PLA2G4E: variants seen among roughly 807,000 people sequenced by gnomAD.
The protein encoded by PLA2G4E is phospholipase A2 group IVE.
PLA2G4E carries 84 observed loss-of-function variants against 109.1 expected under a neutral mutation model. The observed-to-expected ratio is 0.77, with a 90% CI of 0.65 to 0.92. The LOEUF is 0.92. Ranked by LOEUF, PLA2G4E falls within the 40% of genes least tolerant of loss-of-function variation. The pLI is 0.00. For synonymous variants in PLA2G4E, 469 were observed against 436.1 expected, an observed-to-expected ratio of 1.08 and a Z score of -0.94; for missense variants, 1,057 against 1,076.6, an observed-to-expected ratio of 0.98 and a Z score of 0.25.
At chr15:42,016,729 C>G (rs1422985872) in intron 1 of PLA2G4E, among the ~76,000 whole-genome samples, 1 of 152,234 alleles carries the variant, frequency 6.6e-6, no homozygotes, top group Non-Finnish European at 1.5e-5. Context: ...CTCTCCTGAA[C>G]AGCTGCCTTA....
intron 1 of PLA2G4E, among the ~76,000 whole-genome samples, chr15:42,038,185 G>A (rs1595578382): frequency 6.6e-6 from 1 of 152,226 alleles, no homozygotes; most frequent in Non-Finnish European, 1.5e-5. Flanking sequence ...ATATTCTGAT[G>A]TGTAATATCT....
intron 1 of PLA2G4E, among the ~76,000 whole-genome samples, chr15:42,030,500 G>C (rs1377016563): frequency 6.6e-6 from 1 of 152,174 alleles, no homozygotes; most frequent in Non-Finnish European, 1.5e-5. Context: ...TATCACTCTG[G>C]GCCCCGAGGG....
At chr15:42,020,236 T>C (rs2068635579) in intron 1 of PLA2G4E, among the ~76,000 whole-genome samples, 1 of 152,084 alleles carries the variant, frequency 6.6e-6, no homozygotes, top group Non-Finnish European at 1.5e-5. Flanking sequence ...GCCGGGGAGG[T>C]GGCCCTGGGA....
At chr15:42,027,431 A>AT (rs566371757) in intron 1 of PLA2G4E, among the ~76,000 whole-genome samples, 1 of 151,870 alleles carries the variant, frequency 6.6e-6, no homozygotes, top group African/African-American at 2.4e-5. Context: ...CAGGTGAGAT[A>AT]TTTTTTTCCC....
intron 11 of PLA2G4E, 93 bp downstream of exon 11, chr15:41,997,031 C>A (rs940850453): frequency 7.1e-7 from 1 of 1,406,316 alleles, no homozygotes; most frequent in Non-Finnish European, 9.4e-7. Context: ...ATGGAGGTGG[C>A]GCCTGGGGTA....
chr15:42,006,189 C>G, intron 3 of PLA2G4E, 68 bp from the exon 4 acceptor site: 1 of 1,588,244 alleles, frequency 6.3e-7, no homozygotes, highest in Non-Finnish European at 8.6e-7. Context: ...GAACAAGGGG[C>G]TTGACCTCTG....
At chr15:41,996,484 C>T (rs900712241) in intron 11 of PLA2G4E, among the ~76,000 whole-genome samples, 7 of 151,932 alleles carry the variant, frequency 4.6e-5, no homozygotes, top group South Asian at 2.1e-4. Flanking sequence ...AAGTCCTCCT[C>T]GGGCACCCGC....
At chr15:42,006,923 T>C (rs1333054892) in intron 3 of PLA2G4E, among the ~76,000 whole-genome samples, 2 of 152,192 alleles carry the variant, frequency 1.3e-5, no homozygotes, top group African/African-American at 4.8e-5. Context: ...GAAGCTCAAA[T>C]TCTGATTTCA....
intron 1 of PLA2G4E, among the ~76,000 whole-genome samples, chr15:42,033,878 T>G (rs993525407): frequency 6.6e-6 from 1 of 152,144 alleles, no homozygotes; most frequent in African/African-American, 2.4e-5. Flanking sequence ...CAGAGACCCC[T>G]TGCCAAGGTG....
At chr15:41,988,250 C>T (rs1382315749) in intron 15 of PLA2G4E, 94 bp from the exon 16 acceptor site, 13 of 889,646 alleles carry the variant, frequency 1.5e-5, no homozygotes, top group African/African-American at 5.1e-5. Flanking sequence ...CCCCACCCCA[C>T]GCAAGCCAGG....
intron 1 of PLA2G4E, among the ~76,000 whole-genome samples, chr15:42,023,037 A>C (rs2068661642): frequency 2.0e-5 from 3 of 152,146 alleles, no homozygotes. Context: ...AGGAAGAAAC[A>C]GCATGAACAC....
intron 1 of PLA2G4E, among the ~76,000 whole-genome samples, chr15:42,029,202 T>G (rs1430085132): frequency 6.6e-6 from 1 of 152,172 alleles, no homozygotes; most frequent in East Asian, 1.9e-4. Flanking sequence ...AGCGTGATTC[T>G]CCCATGTTAG....
exon 17 of PLA2G4E, chr15:41,987,308 G>A: frequency 6.2e-7 from 1 of 1,613,970 alleles, no homozygotes; most frequent in East Asian, 2.2e-5. Flanking sequence ...ATGACCCTGG[G>A]ATCACTACCG....
intron 1 of PLA2G4E, among the ~76,000 whole-genome samples, chr15:42,023,441 G>A (rs577722029): frequency 1.3e-5 from 2 of 152,050 alleles, no homozygotes; most frequent in East Asian, 3.9e-4. Flanking sequence ...TTTTTGAGCA[G>A]GAGAGCTGAA....
intron 15 of PLA2G4E, among the ~76,000 whole-genome samples, chr15:41,988,978 C>T (rs543517030): frequency 6.6e-6 from 1 of 152,282 alleles, no homozygotes; most frequent in South Asian, 2.1e-4. Context: ...GGGAAGAACT[C>T]GAGTGGGTCC....
intron 2 of PLA2G4E, among the ~76,000 whole-genome samples, chr15:42,012,362 C>G (rs1483327710): frequency 6.6e-6 from 1 of 152,186 alleles, no homozygotes; most frequent in Admixed American, 6.5e-5. Context: ...TGGCTTGTCT[C>G]CTCTCTTGCC....
intron 1 of PLA2G4E, among the ~76,000 whole-genome samples, chr15:42,021,904 C>T (rs995171293): frequency 3.3e-5 from 5 of 152,174 alleles, no homozygotes; most frequent in African/African-American, 1.2e-4. Flanking sequence ...ACAGACTGGG[C>T]CTGAATGCAG....
At chr15:41,986,693 AT>A (rs544075860) in intron 17 of PLA2G4E, among the ~76,000 whole-genome samples, 31 of 151,076 alleles carry the variant, frequency 2.1e-4, no homozygotes, top group African/African-American at 4.4e-4. Flanking sequence ...ATTAAAAACA[AT>A]TTTTTTTTAA....
At chr15:41,991,451 A>G (rs1015342655) in intron 13 of PLA2G4E, among the ~76,000 whole-genome samples, 1 of 144,254 alleles carries the variant, frequency 6.9e-6, no homozygotes, top group Non-Finnish European at 1.5e-5. Flanking sequence ...CCCAAGGCCG[A>G]TGCCCTTGGC....
Sources: gnomAD v4.1 joint callset for allele counts (sites outside exome capture counted in the v4.1 genomes callset) on GRCh38, gnomAD v4.1.1 for gene constraint, MANE v1.5 for transcripts, NCBI Gene and HGNC (gene_info 2026-07-23, HGNC 2026-07-21) for gene names.